The following MYH16 variants were observed in gnomAD, a reference collection of about 807,000 sequenced individuals.
The protein encoded by MYH16 is myosin heavy chain 16, also known as putative uncharacterized protein MYH16.
chr7:99,287,766 A>G, intron 28 of MYH16, 126 bp from the exon 10 acceptor site: 1 of 367,098 alleles, frequency 2.7e-6, no homozygotes, highest in East Asian at 7.4e-5. Context: ...AAACATTGGC[A>G]TTTCAAGCAG....
chr7:99,261,169 G>C (rs2150811543), intron 12 of MYH16: 1 of 152,164 alleles, frequency 6.6e-6, no homozygotes, highest in South Asian at 2.1e-4. Context: ...CTGTTTAGGT[G>C]GGATTAGCAT....
intron 37 of MYH16, among the ~76,000 whole-genome samples, chr7:99,299,939 A>AT (rs1269748219): frequency 6.6e-5 from 8 of 121,296 alleles, no homozygotes; most frequent in African/African-American, 2.7e-4. Flanking sequence ...TTATTTATTT[A>AT]TTTATTTATT....
At chr7:99,306,080 G>C (rs1456723624) in intron 41 of MYH16, 44 bp downstream of exon 22, 2 of 152,610 alleles carry the variant, frequency 1.3e-5, no homozygotes, top group Non-Finnish European at 2.9e-5. Context: ...CCTCACTCTT[G>C]TTTCTCAGTG....
chr7:99,304,927 C>A (rs983366667), intron 40 of MYH16, among the ~76,000 whole-genome samples, 171 bp downstream of exon 21: 2 of 152,116 alleles, frequency 1.3e-5, no homozygotes, highest in Non-Finnish European at 2.9e-5. Flanking sequence ...GGCTCACGCC[C>A]GTAATCCTAA....
intron 1 of MYH16, among the ~76,000 whole-genome samples, chr7:99,241,124 G>A (rs1434758720): frequency 6.6e-6 from 1 of 152,220 alleles, no homozygotes; most frequent in Non-Finnish European, 1.5e-5. Context: ...GCAGCAGACA[G>A]TGCCGGCCAG....
intron 20 of MYH16, among the ~76,000 whole-genome samples, chr7:99,276,260 C>T (rs550953362): frequency 5.9e-5 from 9 of 152,342 alleles, no homozygotes; most frequent in African/African-American, 1.4e-4. Context: ...TGGCAATGAA[C>T]GAGGTTTATC....
In MYH16 at chr7:99,258,702, T is replaced by C. The variant is rs118126464; in HGVS notation, n.1404+312T>C. The stretch of plus-strand genomic sequence containing the variant: ...GAATTTTGTGAGCCAGTTGACATCA[T>C]GTTGATAGCTTGAAATTAGCCATGG... On this transcript the variant is annotated intron_variant and non_coding_transcript_variant, in intron 11 of 41. Coordinates refer to ENST00000439784, the Ensembl canonical transcript of MYH16. 4.8e-4 allele frequency among the ~76,000 whole-genome samples: 73 copies of C among 152,252 alleles called. No homozygotes were observed. The East Asian group carries it at 0.012, about 25-fold the overall frequency.
At chr7:99,308,554 A>G (rs925924486), downstream of MYH16, among the ~76,000 whole-genome samples, 32 of 152,112 alleles carry the variant, frequency 2.1e-4, no homozygotes, top group African/African-American at 7.7e-4. Flanking sequence ...GGAGGAGTGG[A>G]TCCCAAAACA....
chr7:99,246,427 C>A (rs977171131), intron 2 of MYH16, among the ~76,000 whole-genome samples: 1 of 152,042 alleles, frequency 6.6e-6, no homozygotes, highest in Non-Finnish European at 1.5e-5. Context: ...ATAGGCTGGG[C>A]GCAGTGGCTC....
intron 18 of MYH16, among the ~76,000 whole-genome samples, chr7:99,268,085 G>C (rs978457260): frequency 6.6e-6 from 1 of 152,222 alleles, no homozygotes; most frequent in Admixed American, 6.5e-5. Context: ...ACAGTGAAGA[G>C]AACAGAATGA....
At chr7:99,242,913 C>A (rs1023007721) in intron 1 of MYH16, among the ~76,000 whole-genome samples, 1 of 152,330 alleles carries the variant, frequency 6.6e-6, no homozygotes, top group South Asian at 2.1e-4. Flanking sequence ...AAGCTCTGAT[C>A]ATCTATCAGG....
chr7:99,258,904 CTTAA>C (rs1791904608), intron 11 of MYH16, among the ~76,000 whole-genome samples: 2 of 152,054 alleles, frequency 1.3e-5, no homozygotes, highest in Non-Finnish European at 2.9e-5. Flanking sequence ...AGAAAAGAGG[CTTAA>C]TTGACTGACA....
intron 8 of MYH16, among the ~76,000 whole-genome samples, chr7:99,255,096 C>G (rs1791855094): frequency 6.6e-6 from 1 of 152,116 alleles, no homozygotes; most frequent in Admixed American, 6.6e-5. Context: ...TGGCGAAACC[C>G]CATCTCTACT....
exon 28 of MYH16, chr7:99,286,514 C>T (rs1792280051): frequency 6.6e-6 from 1 of 152,578 alleles, no homozygotes; most frequent in Non-Finnish European, 1.5e-5. Context: ...GGTGGAGCCA[C>T]ATCTGCTCAG....
chr7:99,279,691 T>C (rs1478220054), exon 22 of MYH16: 2 of 456,332 alleles, frequency 4.4e-6, no homozygotes, highest in Non-Finnish European at 8.8e-6. Context: ...AAGCGGGACC[T>C]AGAGGGCCTG....
intron 31 of MYH16, among the ~76,000 whole-genome samples, chr7:99,292,044 G>C (rs532582127): frequency 6.6e-6 from 1 of 152,302 alleles, no homozygotes; most frequent in Non-Finnish European, 1.5e-5. Flanking sequence ...AAAAGTATTT[G>C]ATATCGTAGC....
At chr7:99,284,138 A>G (rs1029684104) in intron 25 of MYH16, 120 bp downstream of exon 7, 47 of 362,116 alleles carry the variant, frequency 1.3e-4, no homozygotes, top group African/African-American at 9.6e-4. Flanking sequence ...GCATGTCCCA[A>G]GCACCTGGCA....
At chr7:99,270,049 AT>A (rs1244761771) in intron 18 of MYH16, among the ~76,000 whole-genome samples, 1 of 150,994 alleles carries the variant, frequency 6.6e-6, no homozygotes, top group Non-Finnish European at 1.5e-5. Context: ...AATTTTTTGT[AT>A]TTTTAATAAA....
intron 2 of MYH16, among the ~76,000 whole-genome samples, chr7:99,245,064 A>G (rs988324517): frequency 4.6e-5 from 7 of 152,200 alleles, no homozygotes; most frequent in African/African-American, 1.7e-4. Context: ...TCCTGACCAC[A>G]GCAGGGAGGT....
Sources: gnomAD v4.1 joint callset for allele counts (sites outside exome capture counted in the v4.1 genomes callset) on GRCh38, gnomAD v4.1.1 for gene constraint, MANE v1.5 for transcripts, NCBI Gene and HGNC (gene_info 2026-07-23, HGNC 2026-07-21) for gene names.